The following MIPOL1 variants were observed in gnomAD, a reference collection of about 807,000 sequenced individuals.
MIPOL1 encodes the protein mirror-image polydactyly 1, also known as mirror-image polydactyly gene 1 protein.
A neutral mutation model predicts 60.9 loss-of-function variants in MIPOL1; 57 were observed. The ratio of observed to expected loss-of-function variants is 0.94; its 90% confidence interval spans 0.76 to 1.17. MIPOL1 has a LOEUF of 1.17. Among genes scored for constraint, MIPOL1 ranks in the 50% most tolerant of loss-of-function variants. The pLI is 0.00. For synonymous variants in MIPOL1, 179 were observed against 168.8 expected, an observed-to-expected ratio of 1.06 and a Z score of -0.47; for missense variants, 551 against 511.6, an observed-to-expected ratio of 1.08 and a Z score of -0.74.
intron 7 of MIPOL1, among the ~76,000 whole-genome samples, chr14:37,303,743 G>C (rs2086538037): frequency 6.6e-6 from 1 of 151,816 alleles, no homozygotes; most frequent in Admixed American, 6.6e-5. Flanking sequence ...GTCAGGTACA[G>C]TGCTAGTTGC....
At chr14:37,232,352 G>T (rs935102154) in intron 1 of MIPOL1, among the ~76,000 whole-genome samples, 2 of 152,070 alleles carry the variant, frequency 1.3e-5, no homozygotes, top group Non-Finnish European at 2.9e-5. Context: ...TCTTCACAGT[G>T]TACTCTCTGT....
At chr14:37,381,742 C>T (rs936059407) in intron 10 of MIPOL1, among the ~76,000 whole-genome samples, 2 of 147,998 alleles carry the variant, frequency 1.4e-5, no homozygotes, top group African/African-American at 2.4e-5. Flanking sequence ...ACTTCTGTGC[C>T]CTGCTAATTT....
intron 9 of MIPOL1, among the ~76,000 whole-genome samples, chr14:37,331,825 T>G (rs1237520502): frequency 6.6e-6 from 1 of 152,284 alleles, no homozygotes; most frequent in East Asian, 1.9e-4. Flanking sequence ...GTGGTGAAAG[T>G]GAGTGTCCTT....
intron 11 of MIPOL1, among the ~76,000 whole-genome samples, chr14:37,472,802 C>T (rs1478991577): frequency 6.6e-6 from 1 of 152,112 alleles, no homozygotes; most frequent in African/African-American, 2.4e-5. Flanking sequence ...AGAGATTTAT[C>T]ATAGACCTTT....
intron 7 of MIPOL1, among the ~76,000 whole-genome samples, chr14:37,293,170 C>G (rs2085267283): frequency 6.6e-6 from 1 of 152,084 alleles, no homozygotes; most frequent in Non-Finnish European, 1.5e-5. Context: ...GGGCTGTCTA[C>G]TCAATTCATT....
At chr14:37,355,402 G>A (rs1349692976) in intron 9 of MIPOL1, among the ~76,000 whole-genome samples, 31 of 144,412 alleles carry the variant, frequency 2.1e-4, no homozygotes, top group African/African-American at 2.8e-4. Flanking sequence ...TGCTCTTCTC[G>A]AGGAGTATCT....
At chr14:37,302,162 T>G (rs1257863365) in intron 7 of MIPOL1, among the ~76,000 whole-genome samples, 1 of 149,418 alleles carries the variant, frequency 6.7e-6, no homozygotes, top group Non-Finnish European at 1.5e-5. Flanking sequence ...GTTAATTTTA[T>G]AAGAAACTGC....
At chr14:37,294,068 C>T (rs950846252) in intron 7 of MIPOL1, among the ~76,000 whole-genome samples, 4 of 152,174 alleles carry the variant, frequency 2.6e-5, no homozygotes, top group African/African-American at 7.2e-5. Context: ...CCAGTAGGGG[C>T]GGACTGACAC....
At chr14:37,205,858 C>G (rs892261352) in intron 1 of MIPOL1, among the ~76,000 whole-genome samples, 5 of 152,214 alleles carry the variant, frequency 3.3e-5, no homozygotes, top group African/African-American at 1.2e-4. Flanking sequence ...TGTCTTAATC[C>G]AGTCTGTCAT....
rs374928678 is a variant in MIPOL1 at position 37,316,029 on chromosome 14, AT to A, written c.828+7525del. ...TTGTTTCTGTTTATTTATTTATTTA[AT>A]TTTTTTTTTTTTTTGAGACCGAATC... On this transcript the variant is annotated intron_variant, in intron 9 of 12. Coordinates refer to ENST00000684589, the MANE Select transcript of MIPOL1 (RefSeq NM_001388067.1). Among the ~76,000 whole-genome samples the A allele has an allele frequency of 4.1e-3, 593 of 143,262 alleles. 3 individuals are homozygous for A. Among genetic ancestry groups the A allele is most frequent in the South Asian group, 0.013 (57 of 4,448 alleles). The allele number at this position is 143,262 out of a possible 152,430, so 94.0% of individuals were successfully genotyped here. A position where few individuals can be genotyped will look rare whatever the true frequency, so the allele number is the denominator to read the frequency against.
rs377256485 is a variant in MIPOL1, at chr14:37,366,781, A to G, written c.829-2736A>G. ...TCCAGCTATTATTGTATTGGAGCCT[A>G]TATCTCTCTTTAGCTCTAATAATAC... On this transcript the variant is annotated intron_variant, in intron 9 of 12. Coordinates refer to ENST00000684589, the MANE Select transcript of MIPOL1 (RefSeq NM_001388067.1). Among the ~76,000 whole-genome samples the G allele has an allele frequency of 2.2e-3, 342 of 152,160 alleles. 3 individuals are homozygous for G. The highest frequency in any genetic ancestry group is 7.6e-3 in the African/African-American group (317 of 41,538).
chr14:37,444,900 A>C (rs2094308274), intron 11 of MIPOL1, among the ~76,000 whole-genome samples: 1 of 152,222 alleles, frequency 6.6e-6, no homozygotes. Context: ...AACTCTCAAT[A>C]AATTCAGTAT....
At chr14:37,522,044 C>T (rs954909664) in intron 12 of MIPOL1, among the ~76,000 whole-genome samples, 2 of 150,182 alleles carry the variant, frequency 1.3e-5, no homozygotes, top group Admixed American at 1.3e-4. Flanking sequence ...AGTTTTTGCT[C>T]AACCCTTTTA....
chr14:37,382,510 C>T (rs2092951625), intron 10 of MIPOL1, among the ~76,000 whole-genome samples: 2 of 151,998 alleles, frequency 1.3e-5, no homozygotes, highest in African/African-American at 4.8e-5. Flanking sequence ...ATGTAGTTTT[C>T]ATACCAAACT....
intron 12 of MIPOL1, chr14:37,503,006 T>C (rs1338285284): frequency 4.3e-4 from 66 of 152,232 alleles, no homozygotes; most frequent in Non-Finnish European, 2.9e-5. Flanking sequence ...TGCAATCAAG[T>C]GCAAGAAAGG....
intron 11 of MIPOL1, among the ~76,000 whole-genome samples, chr14:37,495,318 C>T (rs1370794639): frequency 1.8e-4 from 24 of 130,222 alleles, no homozygotes; most frequent in African/African-American, 6.9e-4. Flanking sequence ...GTGTGATGTT[C>T]CCCTTCCTGT....
intron 9 of MIPOL1, among the ~76,000 whole-genome samples, chr14:37,344,442 C>T (rs1452125189): frequency 2.7e-5 from 4 of 150,808 alleles, no homozygotes; most frequent in African/African-American, 7.3e-5. Flanking sequence ...CTTTTTTTTC[C>T]GAGTATCCAA....
At chr14:37,473,535 GT>G (rs1306472127) in intron 11 of MIPOL1, among the ~76,000 whole-genome samples, 1 of 152,070 alleles carries the variant, frequency 6.6e-6, no homozygotes, top group Admixed American at 6.6e-5. Context: ...CCTACTCTGT[GT>G]GTGTGAATGG....
intron 3 of MIPOL1, among the ~76,000 whole-genome samples, chr14:37,249,040 A>C (rs1286161459): frequency 6.6e-6 from 1 of 152,016 alleles, no homozygotes; most frequent in Non-Finnish European, 1.5e-5. Context: ...ACGGACAGTC[A>C]GATAGATAAG....
Sources: gnomAD v4.1 joint callset for allele counts (sites outside exome capture counted in the v4.1 genomes callset) on GRCh38, gnomAD v4.1.1 for gene constraint, MANE v1.5 for transcripts, NCBI Gene and HGNC (gene_info 2026-07-23, HGNC 2026-07-21) for gene names.